Variants in CPNE2 observed in about 807,000 individuals in gnomAD.
The protein encoded by CPNE2 is copine-2.
Under a neutral mutation model 69.7 loss-of-function variants are expected in CPNE2, and 42 were observed. That is an observed-to-expected ratio of 0.60 (90% CI 0.47 to 0.78). The LOEUF (loss-of-function observed/expected upper bound fraction) is 0.78. CPNE2 is among the 30% of genes least tolerant of loss of function. CPNE2 has a pLI of 0.00. For missense variants in CPNE2, 587 were observed against 732.0 expected (o/e 0.80, Z 2.29); for synonymous variants, 294 against 289.8 (o/e 1.01, Z -0.15).
rs1156589665 is a variant in CPNE2 at position 57,128,027 on chromosome 16, C to T, written c.1116+124C>T. On this transcript the variant is annotated intron_variant, in intron 12 of 15. Transcript: ENST00000290776. Reference sequence around the variant, plus strand: ...GTTGCCCTGCCTTCCCTGTGTTCACCCCAGGCCACGCTCATTTCTCAAGCC... The same window carrying T: ...GTTGCCCTGCCTTCCCTGTGTTCACTCCAGGCCACGCTCATTTCTCAAGCC... The T allele has an allele frequency of 4.4e-6, 4 of 916,656 alleles. No individual in the cohort carries two copies. In the African/African-American group the frequency reaches 4.9e-5, roughly 11 times the overall value. The allele number at this position is 916,656 out of a possible 1,614,324, so 56.8% of individuals were successfully genotyped here. A position where few individuals can be genotyped will look rare whatever the true frequency, so the allele number is the denominator to read the frequency against.
In CPNE2 at chr16:57,119,364, C is replaced by T. The variant is rs1339059810; in HGVS notation, c.591+86C>T. ...GCTCTGAAAAAGGGAGGTGCGGTCACAGCCGCTCAGTGTGCAGGAAAACCC... is the reference window on the plus strand; with the variant it reads ...GCTCTGAAAAAGGGAGGTGCGGTCATAGCCGCTCAGTGTGCAGGAAAACCC... On this transcript the variant is annotated intron_variant, in intron 6 of 15. Coordinates refer to ENST00000290776, the MANE Select transcript of CPNE2 (RefSeq NM_152727.6). 4 of 1,402,408 alleles carry T rather than the reference C, an allele frequency of 2.9e-6. No homozygotes were observed. In the East Asian group the frequency reaches 6.8e-5, roughly 24 times the overall value. 86.9% of individuals were successfully genotyped at this position (1,402,408 alleles called of 1,614,324 possible).
chr16:57,120,391 C>T lies in CPNE2; in HGVS notation c.682-702C>T, dbSNP rs745400013. Among the ~76,000 whole-genome samples, 8 of 150,804 alleles carry T rather than the reference C, an allele frequency of 5.3e-5. No homozygotes were observed. In the East Asian group the frequency reaches 5.8e-4, roughly 11 times the overall value. On this transcript the variant is annotated intron_variant, in intron 7 of 15. Coordinates refer to ENST00000290776, the MANE Select transcript of CPNE2 (RefSeq NM_152727.6). The stretch of plus-strand genomic sequence containing the variant: ...AGATTGAGACCACCCTGGCCTCTCA[C>T]GTGAGGCCTCTCACCCACCCTCTCA...
At chr16:57,113,499 G>C (rs1234656013) in intron 3 of CPNE2, 32 bp downstream of exon 3, 1 of 1,599,950 alleles carries the variant, frequency 6.3e-7, no homozygotes, top group Non-Finnish European at 8.5e-7. Context: ...GGGAGCAGGG[G>C]CCCAAAGACC....
chr16:57,101,983 G>A (rs1426386271), intron 1 of CPNE2, among the ~76,000 whole-genome samples: 5 of 148,682 alleles, frequency 3.4e-5, no homozygotes, highest in African/African-American at 1.2e-4. Flanking sequence ...GTCTCACTCT[G>A]TTGCCCAGCC....
At chr16:57,115,120 T>C (rs1176242996) in intron 3 of CPNE2, among the ~76,000 whole-genome samples, 1 of 151,974 alleles carries the variant, frequency 6.6e-6, no homozygotes, top group Admixed American at 6.6e-5. Context: ...CCATCAGAGA[T>C]CATATCCTGA....
At chr16:57,127,956 T>C (rs2069812301) in intron 12 of CPNE2, 53 bp downstream of exon 12, 2 of 1,578,824 alleles carry the variant, frequency 1.3e-6, no homozygotes. Context: ...TTTGTGTGTG[T>C]GGCCTCTCGG....
At position 57,143,847 on chromosome 16, in the gene CPNE2, AG is replaced by A. The variant is rs1465354482; in HGVS notation, c.1303-2235del. 16 of 152,494 alleles carry A rather than the reference AG, an allele frequency of 1.0e-4. 1 individual carries two copies. Among genetic ancestry groups the A allele is most frequent in the African/African-American group, 3.6e-4 (15 of 41,582 alleles). The allele number at this position is 152,494 out of a possible 1,614,324, so 9.4% of individuals were successfully genotyped here. On this transcript the variant is annotated intron_variant, in intron 14 of 15. Coordinates refer to ENST00000290776, the MANE Select transcript of CPNE2 (RefSeq NM_152727.6). Reference sequence around the variant, plus strand: ...GGCTGATAGAAACGAGGGAGCCAGGAGGGCCACGTGTGGAGGGAGTGGGCAC... The same window carrying A: ...GGCTGATAGAAACGAGGGAGCCAGGAGGCCACGTGTGGAGGGAGTGGGCAC...
At chr16:57,093,578 AG>A (rs1354327680) in intron 1 of CPNE2, among the ~76,000 whole-genome samples, 1 of 152,016 alleles carries the variant, frequency 6.6e-6, no homozygotes, top group Non-Finnish European at 1.5e-5. Context: ...GCTGCTTCAA[AG>A]GGGGCTGTGA....
intron 1 of CPNE2, among the ~76,000 whole-genome samples, chr16:57,097,813 C>G (rs1359258884): frequency 6.6e-6 from 1 of 152,242 alleles, no homozygotes; most frequent in Admixed American, 6.5e-5. Flanking sequence ...GTCCCCTGCC[C>G]TCTGAGCCTG....
At chr16:57,113,491 G>A in intron 3 of CPNE2, 24 bp downstream of exon 3, 1 of 1,605,456 alleles carries the variant, frequency 6.2e-7, no homozygotes, top group Non-Finnish European at 8.5e-7. Context: ...TCCTGGGTGG[G>A]AGCAGGGGCC....
chr16:57,110,224 C>CTTTTTTTTTTTTTTTTTTTT (rs145923720), intron 1 of CPNE2, among the ~76,000 whole-genome samples: 3 of 119,060 alleles, frequency 2.5e-5, no homozygotes, highest in African/African-American at 6.1e-5. Flanking sequence ...CTTTTCTTTT[C>CTTTTTTTTTTTTTTTTTTTT]TTTTTTTTTT....
Position 57,115,547 on chromosome 16 carries a change from T to A in CPNE2, c.432T>A (p.Ile144=), listed in dbSNP as rs2069712722. 1 of 1,611,000 alleles carries A rather than the reference T, an allele frequency of 6.2e-7. No homozygotes were observed. The highest frequency in any genetic ancestry group is 1.3e-5 in the African/African-American group (1 of 74,770). ...ACAAGCCTGCGGGGAAGGGCTTGAT[T>A]ACGGTACCAGTCCCCTCCCGGCTCT... ...LNDKPAGKGL[I]TIAAQELSDN... The change falls in exon 4 of 16, where the codon ATT becomes ATA. Residue 144 remains isoleucine, a synonymous_variant. Coordinates refer to ENST00000290776, the MANE Select transcript of CPNE2 (RefSeq NM_152727.6).
At position 57,146,328 on chromosome 16, in the gene CPNE2, G is replaced by A; in HGVS notation, c.1539+7G>A. 6.5e-7 allele frequency: 1 copy of A among 1,544,682 alleles called. No homozygotes were observed. Among genetic ancestry groups the A allele is most frequent in the South Asian group, 1.2e-5 (1 of 83,288 alleles). On this transcript the variant is annotated splice_region_variant and intron_variant, in intron 15 of 15. Coordinates refer to ENST00000290776, the MANE Select transcript of CPNE2 (RefSeq NM_152727.6). This position sits in a 1 kb window ranked among gnomAD's most constrained non-coding sequence, Gnocchi z 4.4. ...CTTTCGAGAGTTCCGCAACGTGAGTGTGGGCCTGGGCTGGGAGGGGGCGGT... is the reference window on the plus strand; with the variant it reads ...CTTTCGAGAGTTCCGCAACGTGAGTATGGGCCTGGGCTGGGAGGGGGCGGT...
chr16:57,125,247 A>T (rs1397784706), intron 10 of CPNE2: 1 of 455,574 alleles, frequency 2.2e-6, no homozygotes, highest in East Asian at 7.0e-5. Flanking sequence ...GTCCCTGTTA[A>T]TAAGCACCTG....
chr16:57,133,714 C>T (rs2069855578), intron 12 of CPNE2, among the ~76,000 whole-genome samples: 1 of 152,168 alleles, frequency 6.6e-6, no homozygotes, highest in Non-Finnish European at 1.5e-5. Context: ...AGCGTGAGCT[C>T]TGGGAGCAGC....
rs2279406 is a variant in CPNE2, at chr16:57,146,805, G to T, written c.1539+484G>T. 0.79 allele frequency: 129,639 copies of T among 163,274 alleles called. 51,872 individuals carry two copies. The highest frequency in any genetic ancestry group is 0.84 in the Non-Finnish European group (62,465 of 74,264). The allele number at this position is 163,274 out of a possible 1,614,324, so 10.1% of individuals were successfully genotyped here. ...AATGGTGTCCCCAGCCTTGTTCCTGGAAGTGGCTCTGGCTTTATTTGCAGG... is the reference window on the plus strand; with the variant it reads ...AATGGTGTCCCCAGCCTTGTTCCTGTAAGTGGCTCTGGCTTTATTTGCAGG... On this transcript the variant is annotated intron_variant, in intron 15 of 15. Coordinates refer to ENST00000290776, the MANE Select transcript of CPNE2 (RefSeq NM_152727.6). The surrounding 1 kb of genome is among the most constrained non-coding windows in gnomAD (Gnocchi z 4.4).
chr16:57,124,288 C>A, intron 10 of CPNE2: 1 of 419,326 alleles, frequency 2.4e-6, no homozygotes, highest in Non-Finnish European at 4.9e-6. Flanking sequence ...TGCTATGTTG[C>A]CCAGGCTGGT....
intron 1 of CPNE2, among the ~76,000 whole-genome samples, chr16:57,093,737 C>A (rs1377661561): frequency 6.6e-6 from 1 of 152,114 alleles, no homozygotes; most frequent in South Asian, 2.1e-4. Context: ...TTTTTGTCTG[C>A]CTTAGTTTTT....
At position 57,127,898 on chromosome 16, in the gene CPNE2, T is replaced by C; in HGVS notation, c.1111T>C (p.Trp371Arg). Residue 371 changes from tryptophan to arginine, a missense_variant, in exon 12 of 16, where the codon TGG becomes CGG. Coordinates refer to ENST00000290776, the MANE Select transcript of CPNE2 (RefSeq NM_152727.6). Reference protein sequence around the residue: ...LGFGAQLPPDWKVSHEFAINF... With the variant: ...LGFGAQLPPDRKVSHEFAINF... ...ATTCGGGGCCCAGTTACCCCCAGACTGGAAGGTGAGTGAAACCGGAGTTAG... is the reference window on the plus strand; with the variant it reads ...ATTCGGGGCCCAGTTACCCCCAGACCGGAAGGTGAGTGAAACCGGAGTTAG... 6.2e-7 allele frequency: 1 copy of C among 1,614,012 alleles called. No individual in the cohort carries two copies. The highest frequency in any genetic ancestry group is 8.5e-7 in the Non-Finnish European group (1 of 1,179,996).
Sources: allele counts gnomAD v4.1 joint callset (sites outside exome capture counted in the v4.1 genomes callset), GRCh38; gene constraint gnomAD v4.1.1; non-coding constraint Gnocchi (gnomAD v3.1); transcripts MANE v1.5; gene names NCBI Gene and HGNC (gene_info 2026-07-23, HGNC 2026-07-21).